LINS1: variants seen among roughly 807,000 people sequenced by gnomAD.
The protein encoded by LINS1 is protein Lines homolog 1.
A neutral mutation model predicts 41.6 loss-of-function variants in LINS1; 27 were observed. The ratio of observed to expected loss-of-function variants is 0.65; its 90% confidence interval spans 0.48 to 0.89. LINS1 has a LOEUF of 0.89. Among genes scored for constraint, LINS1 ranks in the 40% least tolerant of loss-of-function variants. The pLI is 0.00. For missense variants in LINS1, 955 were observed against 884.1 expected (o/e 1.08, Z -1.02); for synonymous variants, 336 against 312.9 (o/e 1.07, Z -0.78).
Position 100,569,482 on chromosome 15 carries a change from G to A in LINS1, c.2030C>T (p.Pro677Leu). ...TTTCAGAACCAGAGGCCTTGATGGA[G>A]GCTCAAGGCTAAATTCTTTTTTATC... ...SRDKKEFSLE[P>L]PSRPLVLKEF... The change falls in exon 7 of 7, where the codon CCT becomes CTT. Residue 677 changes from proline (P) to leucine (L), a missense_variant. Coordinates refer to ENST00000314742, the MANE Select transcript of LINS1 (RefSeq NM_001040616.3). 3.1e-6 allele frequency: 5 copies of A among 1,614,160 alleles called. No individual in the cohort carries two copies. The highest frequency in any genetic ancestry group is 4.2e-6 in the Non-Finnish European group (5 of 1,180,022).
intron 1 of LINS1, among the ~76,000 whole-genome samples, chr15:100,597,752 G>A (rs1200189403): frequency 2.0e-5 from 3 of 152,106 alleles, no homozygotes; most frequent in Non-Finnish European, 4.4e-5. Flanking sequence ...CCACAAACCC[G>A]CCACCAGTGG....
At chr15:100,578,044 T>A (rs28831195) in intron 3 of LINS1, among the ~76,000 whole-genome samples, 147,140 of 152,170 alleles carry the variant, frequency 0.97, 71,466 homozygotes, top group Non-Finnish European at 1. Flanking sequence ...TAAAGACTTA[T>A]ATGTTAGACT....
chr15:100,569,693 T>C lies in LINS1; in HGVS notation c.1819A>G (p.Lys607Glu). Residue 607 changes from lysine (K) to glutamate (E), a missense_variant, in exon 7 of 7, where the codon AAG becomes GAG. Lys to Glu is a moderately conservative substitution (Grantham distance 56). Transcript: ENST00000314742. Reference protein sequence around the residue: ...PSEPLKAVMSKGAHTMCASSL... With the variant: ...PSEPLKAVMSEGAHTMCASSL... ...GAAGCACACATGGTGTGAGCCCCCT[T>C]GGACATCACAGCTTTCAGTGGTTCA... 3 of 1,613,832 alleles carry C rather than the reference T, an allele frequency of 1.9e-6. No individual in the cohort carries two copies. The highest frequency in any genetic ancestry group is 2.2e-5 in the South Asian group (2 of 91,042).
intron 3 of LINS1, among the ~76,000 whole-genome samples, chr15:100,576,060 C>A (rs1341481666): frequency 6.6e-6 from 1 of 152,140 alleles, no homozygotes; most frequent in Non-Finnish European, 1.5e-5. Context: ...TAAATGCCCA[C>A]AAGAGAAAGC....
At chr15:100,579,185 A>G (rs1331799222) in intron 3 of LINS1, among the ~76,000 whole-genome samples, 1 of 151,418 alleles carries the variant, frequency 6.6e-6, no homozygotes, top group Non-Finnish European at 1.5e-5. Flanking sequence ...AAAAATATAT[A>G]TATAAAAAAA....
rs2037866779 is a variant in LINS1, at chr15:100,572,153, T to C, written c.1223-88A>G. The C allele has an allele frequency of 9.6e-6, 15 of 1,558,604 alleles. No homozygotes were observed. The South Asian group carries it at 1.6e-4, about 17-fold the overall frequency. On this transcript the variant is annotated intron_variant, in intron 5 of 6. Coordinates refer to ENST00000314742, the MANE Select transcript of LINS1 (RefSeq NM_001040616.3). ...ATATATAAATTCATAGTGTCTAAAG[T>C]ACCTTAAGATGCAATTATCCTAATT... is the stretch of plus-strand genomic sequence containing the variant.
At chr15:100,575,202 G>T in intron 3 of LINS1, 74 bp from the exon 4 acceptor site, 1 of 1,323,824 alleles carries the variant, frequency 7.6e-7, no homozygotes, top group Non-Finnish European at 1.1e-6. Context: ...ATACAACATT[G>T]TTTATACATT....
Position 100,573,927 on chromosome 15 carries a change from AG to A in LINS1, c.945del (p.Cys316ValfsTer8). On this transcript the variant is annotated frameshift_variant, in exon 5 of 7. Coordinates refer to ENST00000314742, the MANE Select transcript of LINS1 (RefSeq NM_001040616.3). LOFTEE classifies it high-confidence loss of function. The part of the protein sequence containing the change: ...KCLLCKVGED[L>X]CRGSVPALMP... ...ATTAAGGCAGGCACAGATCCACGAC[AG>A]AGGTCTTCACCCACTTTACAGAGAA... 6.2e-7 allele frequency: 1 copy of A among 1,614,284 alleles called. No individual in the cohort carries two copies. The highest frequency in any genetic ancestry group is 8.5e-7 in the Non-Finnish European group (1 of 1,180,050).
intron 3 of LINS1, among the ~76,000 whole-genome samples, chr15:100,578,307 A>T (rs1180494238): frequency 2.4e-4 from 37 of 152,284 alleles, no homozygotes; most frequent in African/African-American, 6.7e-4. Flanking sequence ...GAATCTACAA[A>T]TAACTCAAAC....
At chr15:100,589,210 G>C (rs2038932261) in intron 1 of LINS1, among the ~76,000 whole-genome samples, 1 of 152,070 alleles carries the variant, frequency 6.6e-6, no homozygotes, top group South Asian at 2.1e-4. Flanking sequence ...AGGTGTTGTT[G>C]GTAAAAGACT....
At chr15:100,593,238 A>T (rs549861176) in intron 1 of LINS1, among the ~76,000 whole-genome samples, 2 of 152,320 alleles carry the variant, frequency 1.3e-5, no homozygotes, top group East Asian at 3.9e-4. Context: ...CAATTGGGGC[A>T]GTCTTACTAG....
chr15:100,599,151 T>A (rs1365613674), intron 1 of LINS1, among the ~76,000 whole-genome samples: 1 of 152,234 alleles, frequency 6.6e-6, no homozygotes, highest in Non-Finnish European at 1.5e-5. Flanking sequence ...CCAAATTATT[T>A]CACTTATATG....
chr15:100,582,157 G>A (rs1158447615), intron 1 of LINS1, among the ~76,000 whole-genome samples: 1 of 151,296 alleles, frequency 6.6e-6, no homozygotes, highest in Non-Finnish European at 1.5e-5. Flanking sequence ...TCTACACTAC[G>A]GCCCACCAGC....
chr15:100,579,254 A>G (rs986367527), intron 3 of LINS1, among the ~76,000 whole-genome samples: 1 of 151,208 alleles, frequency 6.6e-6, no homozygotes, highest in African/African-American at 2.4e-5. Flanking sequence ...TGTCTTGGTA[A>G]AAAGATACTT....
At chr15:100,576,738 C>A (rs1169234883) in intron 3 of LINS1, 1 of 152,230 alleles carries the variant, frequency 6.6e-6, no homozygotes, top group Non-Finnish European at 1.5e-5. Context: ...GAATTTTAGA[C>A]CAATATCCCT....
chr15:100,578,082 C>T (rs1488724517), intron 3 of LINS1, among the ~76,000 whole-genome samples: 1 of 152,094 alleles, frequency 6.6e-6, no homozygotes, highest in African/African-American at 2.4e-5. Flanking sequence ...TAGAAGAAAA[C>T]CTAGGCAATA....
Position 100,569,406 on chromosome 15 carries a change from G to A in LINS1, c.2106C>T (p.Val702=), listed in dbSNP as rs766118946. 2.2e-5 allele frequency: 36 copies of A among 1,613,990 alleles called. No homozygotes were observed. The highest frequency in any genetic ancestry group is 2.5e-5 in the Non-Finnish European group (30 of 1,180,008). ...SFDCEVAPND[V]VSEVGIFYRI... ...TGTAAAATATTCCCACTTCAGAGAC[G>A]ACATCATTTGGGGCTACTTCACAAT... is the stretch of plus-strand genomic sequence containing the variant. Residue 702 remains valine (V), a synonymous_variant, in exon 7 of 7, where the codon GTC becomes GTT. Coordinates refer to ENST00000314742, the MANE Select transcript of LINS1 (RefSeq NM_001040616.3).
intron 1 of LINS1, among the ~76,000 whole-genome samples, chr15:100,595,999 A>C (rs946202571): frequency 1.3e-5 from 2 of 152,214 alleles, no homozygotes. Flanking sequence ...TGGGGCAGAT[A>C]TCTTCCGACA....
In LINS1 at chr15:100,594,243, A is replaced by T. The variant is rs538749867; in HGVS notation, c.-104+7878T>A. 7.9e-5 allele frequency among the ~76,000 whole-genome samples: 12 copies of T among 152,090 alleles called. No homozygotes were observed. In the South Asian group the frequency reaches 8.3e-4, roughly 11 times the overall value. The stretch of plus-strand genomic sequence containing the variant: ...TTGTTATTTTTTATTTTTTCTGAAT[A>T]TTTTTTTATCTGAGGTTGGTTGAAT... On this transcript the variant is annotated intron_variant, in intron 1 of 6. Coordinates refer to ENST00000314742, the MANE Select transcript of LINS1 (RefSeq NM_001040616.3).
Sources: allele counts gnomAD v4.1 joint callset (sites outside exome capture counted in the v4.1 genomes callset), GRCh38; gene constraint gnomAD v4.1.1; transcripts MANE v1.5; gene names NCBI Gene and HGNC (gene_info 2026-07-23, HGNC 2026-07-21).